The following SIK3 variants were observed in gnomAD, a reference collection of about 807,000 sequenced individuals.
The protein encoded by SIK3 is SIK family kinase 3.
In SIK3, 28 loss-of-function variants were observed where a neutral mutation model predicts 144.2. That is an observed-to-expected ratio of 0.19 (90% confidence interval 0.14 to 0.27). SIK3 has a LOEUF of 0.27. Ranked by LOEUF, SIK3 falls within the 10% of genes least tolerant of loss-of-function variation. The pLI is 1.00. For missense variants in SIK3, 1,319 were observed against 1,776.0 expected, an observed-to-expected ratio of 0.74 and a Z score of 4.62; for synonymous variants, 686 against 676.3, an observed-to-expected ratio of 1.01 and a Z score of -0.22.
chr11:116,931,391 A>G (rs1009191699), intron 3 of SIK3, among the ~76,000 whole-genome samples: 20 of 152,218 alleles, frequency 1.3e-4, no homozygotes, highest in African/African-American at 4.6e-4. Flanking sequence ...GCCAGCTTCA[A>G]TGGAGTGTCA....
chr11:117,045,210 C>T (rs1345428409), intron 1 of SIK3, among the ~76,000 whole-genome samples: 2 of 152,102 alleles, frequency 1.3e-5, no homozygotes, highest in Admixed American at 6.5e-5. Context: ...TGCTTAGTGA[C>T]GGGAAAAACC....
At chr11:117,005,875 G>A (rs907958266) in intron 1 of SIK3, among the ~76,000 whole-genome samples, 1 of 152,130 alleles carries the variant, frequency 6.6e-6, no homozygotes, top group South Asian at 2.1e-4. Context: ...CTGATCTACT[G>A]AAACTGACAC....
rs376943467 is a variant in SIK3 at position 117,090,025 on chromosome 11, C to T, written c.273+8118G>A. The stretch of plus-strand genomic sequence containing the variant: ...ATGGCTCATCCAACAGTTCCGTACT[C>T]GCTTCCGCAATTCTATTCTGAACAG... On this transcript the variant is annotated intron_variant, in intron 1 of 24. Transcript: ENST00000445177. 9.3e-4 allele frequency among the ~76,000 whole-genome samples: 142 copies of T among 152,342 alleles called. No homozygotes were observed. In the Middle Eastern group the frequency reaches 0.014, roughly 15 times the overall value.
At chr11:116,928,915 C>T (rs1217618195) in intron 3 of SIK3, among the ~76,000 whole-genome samples, 2 of 152,106 alleles carry the variant, frequency 1.3e-5, no homozygotes, top group Non-Finnish European at 2.9e-5. Flanking sequence ...CCAAGATTAT[C>T]GATTTAATAG....
At position 116,857,893 on chromosome 11, in the gene SIK3, A is replaced by C; in HGVS notation, c.3572T>G (p.Val1191Gly). Residue 1191 changes from valine (V) to glycine (G), a missense_variant, in exon 21 of 25, where the codon GTG becomes GGG. This residue lies in a region of SIK3 where 646 missense variants were observed against 763.7 expected (regional missense o/e 0.85). Coordinates refer to ENST00000445177, the MANE Select transcript of SIK3 (RefSeq NM_001366686.3). ...PGDPESLLGT[V>G]SHAQELGIHP... Reference sequence around the variant, plus strand: ...TATCCCCAATTCTTGGGCATGACTCACAGTTCCTAGCAAAGATTCAGGGTC... The same window carrying C: ...TATCCCCAATTCTTGGGCATGACTCCCAGTTCCTAGCAAAGATTCAGGGTC... 1 of 1,614,180 alleles carries C rather than the reference A, an allele frequency of 6.2e-7. No individual in the cohort carries two copies. Among genetic ancestry groups the C allele is most frequent in the Admixed American group, 1.7e-5 (1 of 60,020 alleles).
At chr11:117,080,989 A>G (rs777638162) in intron 1 of SIK3, among the ~76,000 whole-genome samples, 4 of 152,210 alleles carry the variant, frequency 2.6e-5, no homozygotes, top group African/African-American at 9.6e-5. Flanking sequence ...AAATCTATCA[A>G]TAGGCTACTA....
intron 1 of SIK3, among the ~76,000 whole-genome samples, chr11:117,020,434 T>C (rs1229693460): frequency 6.6e-6 from 1 of 151,966 alleles, no homozygotes. Flanking sequence ...ACACCTGAGC[T>C]TATGTTAATG....
chr11:116,966,824 A>G (rs1949564674), intron 1 of SIK3, among the ~76,000 whole-genome samples: 1 of 151,376 alleles, frequency 6.6e-6, no homozygotes, highest in African/African-American at 2.4e-5. Flanking sequence ...ACATGGTGAA[A>G]CCCCGTCTCT....
intron 6 of SIK3, among the ~76,000 whole-genome samples, chr11:116,880,241 T>C (rs1278007952): frequency 1.3e-5 from 2 of 152,092 alleles, no homozygotes; most frequent in Non-Finnish European, 2.9e-5. Flanking sequence ...TTTCAGGATC[T>C]TGAAACCTCT....
intron 1 of SIK3, among the ~76,000 whole-genome samples, chr11:117,036,404 T>C (rs949420813): frequency 6.6e-6 from 1 of 152,146 alleles, no homozygotes; most frequent in African/African-American, 2.4e-5. Context: ...TGATTGTGCT[T>C]ATAGAAGAGT....
intron 4 of SIK3, among the ~76,000 whole-genome samples, chr11:116,917,863 A>AAGGAC (rs1215047590): frequency 6.6e-6 from 1 of 151,828 alleles, no homozygotes; most frequent in East Asian, 1.9e-4. Flanking sequence ...AAGGAAAGGA[A>AAGGAC]AGGAAAGGGA....
chr11:116,965,736 T>TATATATAC (rs1949507512), intron 1 of SIK3, among the ~76,000 whole-genome samples: 2 of 2,538 alleles, frequency 7.9e-4, no homozygotes, highest in African/African-American at 1.6e-3. Context: ...TCTGCTAAAA[T>TATATATAC]ATATATATAT....
intron 1 of SIK3, among the ~76,000 whole-genome samples, chr11:116,979,349 A>ATT (rs35718965): frequency 1.9e-4 from 28 of 148,006 alleles, no homozygotes; most frequent in African/African-American, 6.9e-4. Context: ...ATTTTTCCTA[A>ATT]TTTTTTTTTT....
chr11:117,007,261 C>G lies in SIK3; in HGVS notation c.274-50197G>C, dbSNP rs553226611. On this transcript the variant is annotated intron_variant, in intron 1 of 24. Transcript: ENST00000445177. ...GGCTGGGTGGTGAGCACCTGTAATC[C>G]CAGCTACTTGGGAGGCTGATGTGAG... 2.1e-3 allele frequency among the ~76,000 whole-genome samples: 313 copies of G among 152,158 alleles called. 3 individuals carry two copies. Among genetic ancestry groups the G allele is most frequent in the African/African-American group, 7.0e-3 (292 of 41,498 alleles).
chr11:117,094,291 A>T (rs143641652), intron 1 of SIK3, among the ~76,000 whole-genome samples: 1 of 152,180 alleles, frequency 6.6e-6, no homozygotes, highest in Non-Finnish European at 1.5e-5. Context: ...TTTTATAGTC[A>T]TGCATACTTT....
At position 116,859,593 on chromosome 11, in the gene SIK3, A is replaced by T; in HGVS notation, c.2437T>A (p.Ser813Thr). ...GAAGGTAAGCCTTGAAACTGGGAAG[A>T]AGATGCAGCCCCTGGAGAGAAAGGA... ...AMIQPHGAAS[S>T]SQFQGLPSRS... is the part of the protein sequence containing the mutation. The change falls in exon 20 of 25, where the codon TCT becomes ACT. Residue 813 changes from serine to threonine, a missense_variant. Physicochemically the swap from Ser to Thr is moderately conservative, Grantham distance 58 (BLOSUM62 1). Transcript: ENST00000445177. The T allele has an allele frequency of 6.2e-7, 1 of 1,613,828 alleles. No individual in the cohort carries two copies. The highest frequency in any genetic ancestry group is 8.5e-7 in the Non-Finnish European group (1 of 1,179,790).
chr11:117,085,212 G>C (rs1020962450), intron 1 of SIK3, among the ~76,000 whole-genome samples: 9 of 151,970 alleles, frequency 5.9e-5, no homozygotes, highest in Non-Finnish European at 1.3e-4. Flanking sequence ...GAACTCCTGG[G>C]CTCAAGCAAT....
chr11:116,989,196 C>T (rs1346815566), intron 1 of SIK3, among the ~76,000 whole-genome samples: 4 of 149,304 alleles, frequency 2.7e-5, no homozygotes, highest in Non-Finnish European at 4.5e-5. Flanking sequence ...TTTCCTTCCA[C>T]TTTTTTTTTT....
intron 1 of SIK3, among the ~76,000 whole-genome samples, chr11:116,982,684 G>A (rs1248598529): frequency 3.3e-5 from 5 of 151,898 alleles, no homozygotes; most frequent in African/African-American, 1.2e-4. Flanking sequence ...AAATGTTCCA[G>A]CTGGCTCACA....
Sources: gnomAD v4.1 joint callset for allele counts (sites outside exome capture counted in the v4.1 genomes callset) on GRCh38, gnomAD v4.1.1 for gene constraint, gnomAD v4.1.1 regional missense constraint, MANE v1.5 for transcripts, NCBI Gene and HGNC (gene_info 2026-07-23, HGNC 2026-07-21) for gene names.